The following LTBP2 variants were observed in gnomAD, a reference collection of about 807,000 sequenced individuals.
The protein encoded by LTBP2 is latent-transforming growth factor beta-binding protein 2.
LTBP2 carries 103 observed loss-of-function variants against 210.6 expected under a neutral mutation model. The ratio of observed to expected loss-of-function variants is 0.49; its 90% CI spans 0.42 to 0.58. LTBP2 has a LOEUF of 0.58. Ranked by LOEUF, LTBP2 falls within the 20% of genes least tolerant of loss-of-function variation. LTBP2 has a pLI of 0.00. For synonymous variants in LTBP2, 1,007 were observed against 1,015.0 expected (o/e 0.99, Z 0.15); for missense variants, 2,313 against 2,494.5 (o/e 0.93, Z 1.55).
chr14:74,583,510 G>C (rs1345798143), intron 3 of LTBP2, among the ~76,000 whole-genome samples: 1 of 152,250 alleles, frequency 6.6e-6, no homozygotes, highest in Non-Finnish European at 1.5e-5. Flanking sequence ...GGAGGCTGCA[G>C]CTCATTAAGA....
rs373354621 is a variant in LTBP2 at position 74,510,042 on chromosome 14, C to T, written c.3151+49G>A. ...GGGTGGTGTGCAGAGGGGAGGGAGC[C>T]ACAAGCTGGATCGGCCTGCGGAGAA... On this transcript the variant is annotated intron_variant, in intron 20 of 35. Transcript: ENST00000261978. 1.9e-6 allele frequency: 3 copies of T among 1,613,528 alleles called. No individual in the cohort carries two copies. In the African/African-American group the frequency reaches 4.0e-5, roughly 22 times the overall value.
In LTBP2 at chr14:74,611,505, G is replaced by T. The variant is rs1014463131; in HGVS notation, c.440C>A (p.Thr147Asn). The T allele has an allele frequency of 1.3e-6, 2 of 1,524,658 alleles. No homozygotes were observed. Among genetic ancestry groups the T allele is most frequent in the East Asian group, 2.4e-5 (1 of 41,296 alleles). The allele number at this position is 1,524,658 out of a possible 1,614,324, so 94.4% of individuals were successfully genotyped here. Reference protein sequence around the residue: ...RAAPALPRLGTPQRSGAAPPT... With the variant: ...RAAPALPRLGNPQRSGAAPPT... Reference sequence around the variant, plus strand: ...GGGCGCAGCCCCAGACCGCTGTGGGGTCCCCAGGCGTGGGAGAGCCGGCGC... The same window carrying T: ...GGGCGCAGCCCCAGACCGCTGTGGGTTCCCCAGGCGTGGGAGAGCCGGCGC... Residue 147 changes from threonine to asparagine, a missense_variant, in exon 1 of 36, where the codon ACC becomes AAC. Around this residue, in one of 3 missense-constraint regions of LTBP2, gnomAD observed 1,867 missense variants for 1,976.9 expected, o/e 0.94. Coordinates refer to ENST00000261978, the MANE Select transcript of LTBP2 (RefSeq NM_000428.3).
intron 33 of LTBP2, 25 bp downstream of exon 33, chr14:74,503,194 G>T: frequency 6.2e-7 from 1 of 1,613,048 alleles, no homozygotes. Context: ...CAGCCCTGCA[G>T]GGTATCCCCT....
At chr14:74,556,108 T>C (rs1334816616) in intron 3 of LTBP2, among the ~76,000 whole-genome samples, 5 of 152,308 alleles carry the variant, frequency 3.3e-5, no homozygotes, top group Middle Eastern at 3.4e-3. Context: ...CACTTCTTAA[T>C]ATATCCCTTA....
At chr14:74,595,743 C>A (rs1232702885) in intron 2 of LTBP2, among the ~76,000 whole-genome samples, 1 of 152,188 alleles carries the variant, frequency 6.6e-6, no homozygotes, top group Non-Finnish European at 1.5e-5. Context: ...TGTGGGATCT[C>A]ACCTGGGGCC....
In LTBP2 at chr14:74,611,842, C is replaced by T; in HGVS notation, c.103G>A (p.Ala35Thr). The T allele has an allele frequency of 6.2e-7, 1 of 1,611,414 alleles. No homozygotes were observed. The highest frequency in any genetic ancestry group is 8.5e-7 in the Non-Finnish European group (1 of 1,179,612). The change falls in exon 1 of 36, where the codon GCC becomes ACC. Residue 35 changes from alanine to threonine, a missense_variant. Ala to Thr is a moderately conservative substitution (Grantham distance 58, BLOSUM62 0). Transcript: ENST00000261978. ...TLALFVGAGH[A>T]QRDPVGRYEP... is the part of the protein sequence containing the mutation. ...TATCTCCCTACGGGGTCCCTTTGGG[C>T]ATGACCCGCGCCCACGAAGAGAGCC...
chr14:74,571,888 A>AT (rs1022701738), intron 3 of LTBP2, among the ~76,000 whole-genome samples: 2 of 151,650 alleles, frequency 1.3e-5, no homozygotes, highest in African/African-American at 4.8e-5. Flanking sequence ...AGGAACAGGG[A>AT]TTTTTTTTCT....
At chr14:74,540,574 G>C (rs2087479599) in intron 8 of LTBP2, among the ~76,000 whole-genome samples, 1 of 150,576 alleles carries the variant, frequency 6.6e-6, no homozygotes, top group African/African-American at 2.5e-5. Context: ...GACCATCCTG[G>C]CTAACATGAT....
chr14:74,509,615 T>G lies in LTBP2; in HGVS notation c.3277+119A>C. The stretch of plus-strand genomic sequence containing the variant: ...TGGGGCCAGGTCCATTTATGGGGTC[T>G]TCTAGCCTAGCCTGGAGCCCCTCGG... On this transcript the variant is annotated intron_variant, in intron 21 of 35. Coordinates refer to ENST00000261978, the MANE Select transcript of LTBP2 (RefSeq NM_000428.3). 2.7e-6 allele frequency: 4 copies of G among 1,464,454 alleles called. No individual in the cohort carries two copies. In the African/African-American group the frequency reaches 4.2e-5, roughly 15 times the overall value. The allele number at this position is 1,464,454 out of a possible 1,614,324, so 90.7% of individuals were successfully genotyped here.
intron 13 of LTBP2, among the ~76,000 whole-genome samples, chr14:74,526,596 A>AG (rs2087276666): frequency 6.6e-6 from 1 of 152,228 alleles, no homozygotes; most frequent in African/African-American, 2.4e-5. Context: ...GAGTGGGCAG[A>AG]GGGTGAAAAA....
At chr14:74,562,596 A>G (rs1326232514) in intron 3 of LTBP2, among the ~76,000 whole-genome samples, 1 of 152,150 alleles carries the variant, frequency 6.6e-6, no homozygotes, top group Non-Finnish European at 1.5e-5. Flanking sequence ...TAAAAGAAAA[A>G]TCAGCAAGGA....
chr14:74,570,324 C>G (rs1437798521), intron 3 of LTBP2, among the ~76,000 whole-genome samples: 1 of 152,198 alleles, frequency 6.6e-6, no homozygotes, highest in Non-Finnish European at 1.5e-5. Flanking sequence ...CTTAGCAGGT[C>G]TGGCTTATTG....
chr14:74,604,165 A>AAAC (rs1491164348), intron 1 of LTBP2, among the ~76,000 whole-genome samples: 24 of 65,190 alleles, frequency 3.7e-4, no homozygotes, highest in African/African-American at 8.8e-4. Context: ...GCCTCTCACC[A>AAAC]AAAAAAAAAA....
At position 74,499,583 on chromosome 14, in the gene LTBP2, G is replaced by T. The variant is rs971202468; in HGVS notation, c.*1301C>A. ...ACATTGCCATTCATCAGAGAAGTAC[G>T]AAGTCAGAGCTTTCCTTGTCTTTTA... On this transcript the variant is annotated 3_prime_UTR_variant, in exon 36 of 36. Transcript: ENST00000261978. 1 of 227,758 alleles carries T rather than the reference G, an allele frequency of 4.4e-6. No individual in the cohort carries two copies. The highest frequency in any genetic ancestry group is 6.3e-5 in the East Asian group (1 of 15,934). 14.1% of individuals were successfully genotyped at this position (227,758 alleles called of 1,614,324 possible). A position where few individuals can be genotyped will look rare whatever the true frequency, so the allele number is the denominator to read the frequency against.
chr14:74,593,836 C>A (rs1011994469), intron 2 of LTBP2, among the ~76,000 whole-genome samples: 3 of 152,070 alleles, frequency 2.0e-5, no homozygotes, highest in Non-Finnish European at 2.9e-5. Flanking sequence ...AGCTTCTTGG[C>A]TATGACCCTT....
chr14:74,564,175 T>A (rs375366804), intron 3 of LTBP2, among the ~76,000 whole-genome samples: 36 of 9,310 alleles, frequency 3.9e-3, no homozygotes, highest in African/African-American at 0.015. Context: ...ATATATATAT[T>A]TATATATATA....
Position 74,525,161 on chromosome 14 carries a change from G to A in LTBP2, c.2493C>T (p.Thr831=). Residue 831 remains threonine, a synonymous_variant, in exon 15 of 36, where the codon ACC becomes ACT. Transcript: ENST00000261978. The part of the protein sequence containing the change: ...GIAEIQEEQV[T]PSTDVLVTLS... ...GGGTCACCAGCACATCAGTGGAGGG[G>A]GTCACTTGTTCTTCCTGTATCTCTG... 7.5e-7 allele frequency: 1 copy of A among 1,331,812 alleles called. No homozygotes were observed. Among genetic ancestry groups the A allele is most frequent in the South Asian group, 2.7e-5 (1 of 36,592 alleles). 82.5% of individuals were successfully genotyped at this position (1,331,812 alleles called of 1,614,324 possible). A position where few individuals can be genotyped will look rare whatever the true frequency, so the allele number is the denominator to read the frequency against.
chr14:74,586,039 T>A lies in LTBP2; in HGVS notation c.645A>T (p.Gly215=). The A allele has an allele frequency of 1.2e-6, 2 of 1,603,342 alleles. No homozygotes were observed. Among genetic ancestry groups the A allele is most frequent in the Non-Finnish European group, 1.7e-6 (2 of 1,175,262 alleles). The change falls in exon 3 of 36, where the codon GGA becomes GGT. Residue 215 remains glycine, a synonymous_variant. Transcript: ENST00000261978. The surrounding 1 kb of genome is among the most constrained non-coding windows in gnomAD (Gnocchi z 4.6). ...QLCVCRSGFR[G]ARCEEVIPDE... ...CGGGAATGACCTCCTCGCAGCGGGC[T>A]CCACGGAAACCAGAGCGGCAGACAC...
Position 74,611,761 on chromosome 14 carries a change from C to T in LTBP2, c.184G>A (p.Ala62Thr). 6.2e-7 allele frequency: 1 copy of T among 1,608,240 alleles called. No homozygotes were observed. ...CTGTACACCTTGGCTGCAGCCGCTG[C>T]CGGGTAGCTGCCCCCAGGGCGCCGC... Reference protein sequence around the residue: ...RLRRPGGSYPAAAAAKVYSLF... With the variant: ...RLRRPGGSYPTAAAAKVYSLF... Residue 62 changes from alanine to threonine, a missense_variant, in exon 1 of 36, where the codon GCA becomes ACA. Coordinates refer to ENST00000261978, the MANE Select transcript of LTBP2 (RefSeq NM_000428.3).
Sources: gnomAD v4.1 joint callset for allele counts (sites outside exome capture counted in the v4.1 genomes callset) on GRCh38, gnomAD v4.1.1 for gene constraint, gnomAD v4.1.1 regional missense constraint, Gnocchi (gnomAD v3.1) non-coding constraint, MANE v1.5 for transcripts, NCBI Gene and HGNC (gene_info 2026-07-23, HGNC 2026-07-21) for gene names.